The following RIC1 variants were observed in gnomAD, a reference collection of about 807,000 sequenced individuals.
RIC1 encodes the protein guanine nucleotide exchange factor subunit RIC1.
In RIC1, 88 loss-of-function variants were observed where a neutral mutation model predicts 169.0. That is an observed-to-expected ratio of 0.52 (90% confidence interval 0.44 to 0.62). The LOEUF is 0.62. Among genes scored for constraint, RIC1 ranks in the 20% least tolerant of loss-of-function variants. The pLI, the probability that RIC1 is intolerant of heterozygous loss-of-function variation, is 0.00. For synonymous variants in RIC1, 790 were observed against 601.5 expected (o/e 1.31, Z -4.59); for missense variants, 1,877 against 1,725.5 (o/e 1.09, Z -1.56).
At chr9:5,633,534 T>C (rs1817823404) in intron 1 of RIC1, among the ~76,000 whole-genome samples, 1 of 152,184 alleles carries the variant, frequency 6.6e-6, no homozygotes, top group South Asian at 2.1e-4. Flanking sequence ...ACCGTAACCA[T>C]AAGTGTTCAT....
At chr9:5,701,908 G>A (rs756705499) in intron 3 of RIC1, among the ~76,000 whole-genome samples, 4 of 152,090 alleles carry the variant, frequency 2.6e-5, no homozygotes, top group Non-Finnish European at 4.4e-5. Flanking sequence ...AAAAACATAC[G>A]TGCATACATC....
chr9:5,691,098 A>C (rs1314378871), intron 3 of RIC1, among the ~76,000 whole-genome samples: 1 of 152,002 alleles, frequency 6.6e-6, no homozygotes, highest in African/African-American at 2.4e-5. Context: ...GCTGGTTAAC[A>C]AGTTAACTGT....
At chr9:5,680,446 A>G (rs1194385724) in intron 2 of RIC1, among the ~76,000 whole-genome samples, 3 of 152,204 alleles carry the variant, frequency 2.0e-5, no homozygotes, top group Non-Finnish European at 4.4e-5. Context: ...CTCTGGTAGA[A>G]TTCAGCTGTG....
At chr9:5,630,586 C>G (rs1272249056) in intron 1 of RIC1, among the ~76,000 whole-genome samples, 1 of 152,160 alleles carries the variant, frequency 6.6e-6, no homozygotes, top group Non-Finnish European at 1.5e-5. Flanking sequence ...ATTCTGGTGT[C>G]TCCTTTGACT....
At chr9:5,660,840 A>G (rs1819410765) in intron 2 of RIC1, among the ~76,000 whole-genome samples, 1 of 152,176 alleles carries the variant, frequency 6.6e-6, no homozygotes, top group South Asian at 2.1e-4. Flanking sequence ...TGCTGTGCAG[A>G]AGCTCTTCAG....
chr9:5,635,283 A>G (rs944965673), intron 1 of RIC1, among the ~76,000 whole-genome samples: 8 of 152,058 alleles, frequency 5.3e-5, no homozygotes, highest in Non-Finnish European at 1.2e-4. Context: ...CCCAGTCCTT[A>G]TTCATTTTTT....
chr9:5,752,938 TATTGA>T (rs1176989544), intron 12 of RIC1, among the ~76,000 whole-genome samples: 1 of 152,188 alleles, frequency 6.6e-6, no homozygotes, highest in Non-Finnish European at 1.5e-5. Flanking sequence ...AGTCTGTATT[TATTGA>T]ATTCAATATT....
chr9:5,732,608 C>A, intron 7 of RIC1, 129 bp downstream of exon 7: 1 of 513,902 alleles, frequency 1.9e-6, no homozygotes. Context: ...TATCAGTCAA[C>A]CTTAATATGA....
At chr9:5,709,490 A>G (rs1004795965) in intron 3 of RIC1, among the ~76,000 whole-genome samples, 3 of 152,202 alleles carry the variant, frequency 2.0e-5, no homozygotes, top group African/African-American at 4.8e-5. Context: ...TCTCTCTGAA[A>G]AAGTGGAGAT....
At chr9:5,661,756 T>C (rs1440798250) in intron 2 of RIC1, among the ~76,000 whole-genome samples, 1 of 152,218 alleles carries the variant, frequency 6.6e-6, no homozygotes, top group African/African-American at 2.4e-5. Context: ...TTTTCTAATA[T>C]AGGATCATGT....
intron 12 of RIC1, 64 bp from the exon 13 acceptor site, chr9:5,753,136 C>G: frequency 7.0e-7 from 1 of 1,426,400 alleles, no homozygotes; most frequent in Non-Finnish European, 9.9e-7. Context: ...AGTGTGATAA[C>G]TTAATGCTTT....
chr9:5,761,104 C>CAT (rs1174592787), intron 17 of RIC1, among the ~76,000 whole-genome samples: 4 of 94,668 alleles, frequency 4.2e-5, no homozygotes, highest in African/African-American at 4.2e-5. Flanking sequence ...CCAGCCTCAC[C>CAT]TTTTTTTTTT....
chr9:5,646,023 G>A (rs1818492978), intron 1 of RIC1, among the ~76,000 whole-genome samples: 1 of 148,226 alleles, frequency 6.7e-6, no homozygotes, highest in Non-Finnish European at 1.5e-5. Context: ...TTTCCACAGT[G>A]TACATCATTT....
At chr9:5,658,232 T>C (rs1050884554) in intron 2 of RIC1, among the ~76,000 whole-genome samples, 4 of 152,162 alleles carry the variant, frequency 2.6e-5, no homozygotes, top group Admixed American at 2.0e-4. Context: ...TTGAATTAGA[T>C]GGCAAAATAT....
intron 7 of RIC1, among the ~76,000 whole-genome samples, chr9:5,737,309 A>T (rs1338412497): frequency 6.6e-6 from 1 of 152,144 alleles, no homozygotes; most frequent in African/African-American, 2.4e-5. Context: ...GTTTTAAATT[A>T]AGTAATTATA....
chr9:5,705,392 G>A (rs572586261), intron 3 of RIC1, among the ~76,000 whole-genome samples: 19 of 152,004 alleles, frequency 1.2e-4, no homozygotes, highest in African/African-American at 4.1e-4. Flanking sequence ...TTATTCCCAA[G>A]TATTTTATTC....
At chr9:5,745,168 A>T (rs117856262) in intron 10 of RIC1, among the ~76,000 whole-genome samples, 4 of 152,278 alleles carry the variant, frequency 2.6e-5, no homozygotes, top group Non-Finnish European at 5.9e-5. Context: ...ACAAACTAAG[A>T]ATCTAAGCAT....
intron 6 of RIC1, among the ~76,000 whole-genome samples, chr9:5,727,129 G>A (rs996561172): frequency 2.0e-5 from 3 of 152,144 alleles, no homozygotes; most frequent in Admixed American, 1.3e-4. Flanking sequence ...AGTTCTCCTG[G>A]ATAACATCCT....
rs139617606 is a variant in RIC1, at chr9:5,653,584, T to TTTTCTTTC, written c.145-2979_145-2972dup. On this transcript the variant is annotated intron_variant, in intron 1 of 25. Coordinates refer to ENST00000414202, the MANE Select transcript of RIC1 (RefSeq NM_020829.4). ...ACATGGTATATGTCTCCATTTATTT[T>TTTTCTTTC]TTTCTTTCTTTCTTTCTTTCTTTCT... is the stretch of plus-strand genomic sequence containing the variant. Among the ~76,000 whole-genome samples, 223 of 150,572 alleles carry TTTTCTTTC rather than the reference T, an allele frequency of 1.5e-3. 1 individual carries two copies. Among genetic ancestry groups the TTTTCTTTC allele is most frequent in the Middle Eastern group, 0.014 (4 of 292 alleles).
Sources: gnomAD v4.1 joint callset for allele counts (sites outside exome capture counted in the v4.1 genomes callset) on GRCh38, gnomAD v4.1.1 for gene constraint, MANE v1.5 for transcripts, NCBI Gene and HGNC (gene_info 2026-07-23, HGNC 2026-07-21) for gene names.